Variants in PRDM10 observed in about 807,000 individuals in gnomAD.
PRDM10 encodes the protein PR domain zinc finger protein 10.
A neutral mutation model predicts 133.1 loss-of-function variants in PRDM10; 65 were observed. The ratio of observed to expected loss-of-function variants is 0.49; its 90% CI spans 0.40 to 0.60. PRDM10 has a LOEUF of 0.60. Ranked by LOEUF, PRDM10 falls within the 20% of genes least tolerant of loss-of-function variation. The probability of loss-of-function intolerance (pLI) is 0.00; values close to 1 mark genes in which losing one functional copy is unlikely to be tolerated. For missense variants in PRDM10, 1,137 were observed against 1,507.1 expected (o/e 0.75, Z 4.07); for synonymous variants, 582 against 580.4 (o/e 1.00, Z -0.04).
chr11:130,002,135 A>T (rs1212994208), intron 1 of PRDM10, among the ~76,000 whole-genome samples: 1 of 149,420 alleles, frequency 6.7e-6, no homozygotes, highest in Non-Finnish European at 1.5e-5. Context: ...TGCCACCCCC[A>T]GCCCGGCGCC....
At chr11:129,969,502 C>G (rs533471490) in intron 1 of PRDM10, among the ~76,000 whole-genome samples, 172 of 152,126 alleles carry the variant, frequency 1.1e-3, no homozygotes, top group South Asian at 2.1e-3. Context: ...AGATATTTAA[C>G]AAATAGGAAG....
In PRDM10 at chr11:129,917,175, T is replaced by TAG; in HGVS notation, c.2275_2276dup (p.Pro760TyrfsTer4). On this transcript the variant is annotated frameshift_variant, in exon 15 of 21. Coordinates refer to ENST00000360871, the MANE Select transcript of PRDM10 (RefSeq NM_199437.2). LOFTEE classifies it high-confidence loss of function. Reference sequence around the variant, plus strand: ...AATCACGATTGGGTTTTATGATGGGTAGAGTTAACTCTGGCACCTCTTCTA... The same window carrying TAG: ...AATCACGATTGGGTTTTATGATGGGTAGAGAGTTAACTCTGGCACCTCTTCTA... The TAG allele has an allele frequency of 6.2e-7, 1 of 1,613,864 alleles. No individual in the cohort carries two copies.
At chr11:129,980,665 T>G (rs1336467413) in intron 1 of PRDM10, among the ~76,000 whole-genome samples, 1 of 152,152 alleles carries the variant, frequency 6.6e-6, no homozygotes, top group African/African-American at 2.4e-5. Context: ...AGGAACAAAG[T>G]ATTGATCCAT....
At chr11:129,916,990 G>A (rs1950377823) in intron 15 of PRDM10, 137 bp downstream of exon 15, 1 of 568,998 alleles carries the variant, frequency 1.8e-6, no homozygotes, top group Non-Finnish European at 2.9e-6. Flanking sequence ...TTTCTTGTCT[G>A]AATGGAGACT....
intron 1 of PRDM10, among the ~76,000 whole-genome samples, chr11:129,965,231 AC>A (rs1020189930): frequency 5.9e-5 from 9 of 152,118 alleles, no homozygotes; most frequent in African/African-American, 2.2e-4. Flanking sequence ...ACACAGCAAG[AC>A]CCTGTCTCAA....
chr11:129,917,062 T>C (rs1278931413), intron 15 of PRDM10, 65 bp downstream of exon 15: 2 of 1,155,502 alleles, frequency 1.7e-6, no homozygotes, highest in East Asian at 2.4e-5. Flanking sequence ...TATTTATAAA[T>C]ACGGACAAGT....
At chr11:129,958,807 C>A (rs892633050) in intron 2 of PRDM10, among the ~76,000 whole-genome samples, 1 of 152,072 alleles carries the variant, frequency 6.6e-6, no homozygotes, top group Non-Finnish European at 1.5e-5. Context: ...TAATAAAGTA[C>A]TTTTAGGGGG....
At chr11:129,978,554 A>C (rs752436652) in intron 1 of PRDM10, among the ~76,000 whole-genome samples, 1 of 152,202 alleles carries the variant, frequency 6.6e-6, no homozygotes, top group Non-Finnish European at 1.5e-5. Flanking sequence ...GTGAGAAAAC[A>C]CAGGATGACA....
At chr11:129,971,099 T>G (rs191889426) in intron 1 of PRDM10, among the ~76,000 whole-genome samples, 3 of 152,232 alleles carry the variant, frequency 2.0e-5, no homozygotes, top group African/African-American at 7.2e-5. Context: ...TTCCTTCTGG[T>G]GGGTTCATGG....
At chr11:129,926,977 G>A (rs941937972) in intron 11 of PRDM10, among the ~76,000 whole-genome samples, 2 of 151,986 alleles carry the variant, frequency 1.3e-5, no homozygotes, top group South Asian at 2.1e-4. Context: ...AGGCTGAGGC[G>A]GACAGATCAC....
At chr11:129,980,410 G>T (rs2135966867) in intron 1 of PRDM10, among the ~76,000 whole-genome samples, 1 of 152,254 alleles carries the variant, frequency 6.6e-6, no homozygotes, top group Non-Finnish European at 1.5e-5. Context: ...CAGGGACCCT[G>T]TTGTGAACCG....
chr11:129,987,284 G>A (rs909490958), intron 1 of PRDM10, among the ~76,000 whole-genome samples: 6 of 152,114 alleles, frequency 3.9e-5, no homozygotes, highest in African/African-American at 1.4e-4. Context: ...ACACAAAACT[G>A]CCTTTATTAA....
chr11:129,931,170 A>C lies in PRDM10; in HGVS notation c.1376T>G (p.Ile459Ser). Residue 459 changes from isoleucine (I) to serine (S), a missense_variant, in exon 11 of 21, where the codon ATC (isoleucine) becomes AGC (serine). Ile to Ser is a moderately radical substitution (Grantham distance 142). This residue lies in a region of PRDM10 where 635 missense variants were observed against 835.2 expected (regional missense o/e 0.76). Transcript: ENST00000360871. ...TTCCTGTGGCAGCTGAGGGATTGGGATAGTGGTCTGTTCTGGTTGATCCAG... is the reference window on the plus strand; with the variant it reads ...TTCCTGTGGCAGCTGAGGGATTGGGCTAGTGGTCTGTTCTGGTTGATCCAG... Reference protein sequence around the residue: ...NGLDQPEQTTIPIPQLPQETQ... With the variant: ...NGLDQPEQTTSPIPQLPQETQ... The C allele has an allele frequency of 6.2e-7, 1 of 1,614,162 alleles. No homozygotes were observed. Among genetic ancestry groups the C allele is most frequent in the Non-Finnish European group, 8.5e-7 (1 of 1,180,026 alleles).
In PRDM10 at chr11:129,923,749, G is replaced by A. The variant is rs1202994598; in HGVS notation, c.1879-346C>T. On this transcript the variant is annotated intron_variant, in intron 12 of 20. Transcript: ENST00000360871. This position sits in a 1 kb window ranked among gnomAD's most constrained non-coding sequence, Gnocchi z 4.4. ...GAAGCCCATTTTTTAAAGATAAAAA[G>A]CAAAAGTTCCTTTGGGTTTAAATGA... Among the ~76,000 whole-genome samples, 1 of 146,298 alleles carries A rather than the reference G, an allele frequency of 6.8e-6. No individual in the cohort carries two copies. The highest frequency in any genetic ancestry group is 6.9e-5 in the Admixed American group (1 of 14,488).
intron 1 of PRDM10, among the ~76,000 whole-genome samples, chr11:129,975,160 C>T (rs1269761013): frequency 2.0e-5 from 3 of 152,188 alleles, no homozygotes. Flanking sequence ...GGCATAGTGG[C>T]TCACGCCTGT....
At chr11:129,980,824 G>C (rs1938061866) in intron 1 of PRDM10, among the ~76,000 whole-genome samples, 1 of 150,428 alleles carries the variant, frequency 6.6e-6, no homozygotes, top group African/African-American at 2.4e-5. Context: ...GAGAGGATGG[G>C]AAGATGGAGA....
chr11:129,933,860 C>A (rs1263359612), intron 9 of PRDM10, among the ~76,000 whole-genome samples: 1 of 152,110 alleles, frequency 6.6e-6, no homozygotes, highest in African/African-American at 2.4e-5. Context: ...CCCTTGTAAG[C>A]CTCTTCATGC....
chr11:129,987,737 A>G (rs1016240999), intron 1 of PRDM10, among the ~76,000 whole-genome samples: 8 of 152,268 alleles, frequency 5.3e-5, no homozygotes, highest in African/African-American at 1.9e-4. Flanking sequence ...GTGGTGGCTC[A>G]CGCCTGTAAT....
intron 1 of PRDM10, among the ~76,000 whole-genome samples, chr11:129,989,574 A>C (rs551870982): frequency 1.8e-4 from 28 of 152,222 alleles, no homozygotes; most frequent in African/African-American, 6.7e-4. Flanking sequence ...TGGCCTGAAA[A>C]GCTTTCCTTC....
Sources: allele counts gnomAD v4.1 joint callset (sites outside exome capture counted in the v4.1 genomes callset), GRCh38; gene constraint gnomAD v4.1.1; regional missense constraint gnomAD v4.1.1; non-coding constraint Gnocchi (gnomAD v3.1); transcripts MANE v1.5; gene names NCBI Gene and HGNC (gene_info 2026-07-23, HGNC 2026-07-21).